Variants in SMYD3 observed in about 807,000 individuals in gnomAD.
SMYD3 encodes the protein SET and MYND domain containing 3, also known as histone-lysine N-methyltransferase SMYD3.
SMYD3 carries 36 observed loss-of-function variants against 57.7 expected under a neutral mutation model. The observed-to-expected ratio is 0.62, with a 90% confidence interval of 0.48 to 0.82. The LOEUF is 0.82. Ranked by LOEUF, SMYD3 falls within the 40% of genes least tolerant of loss-of-function variation. The probability of loss-of-function intolerance (pLI) is 0.00; values close to 1 mark genes in which losing one functional copy is unlikely to be tolerated. For missense variants in SMYD3, 515 were observed against 538.8 expected, an observed-to-expected ratio of 0.96 and a Z score of 0.44; for synonymous variants, 211 against 195.0, an observed-to-expected ratio of 1.08 and a Z score of -0.68.
At position 245,749,620 on chromosome 1, in the gene SMYD3, C is replaced by G. The variant is rs1558297045; in HGVS notation, c.1230G>C (p.Leu410=). 3 of 1,614,062 alleles carry G rather than the reference C, an allele frequency of 1.9e-6. No individual in the cohort carries two copies. The highest frequency in any genetic ancestry group is 2.7e-5 in the African/African-American group (2 of 74,924). The change falls in exon 12 of 12, where the codon CTG becomes CTC. Residue 410 remains leucine, a synonymous_variant. Transcript: ENST00000490107. ...MRVTHGREHS[L]IEDLILLLEE... is the part of the protein sequence containing the mutation. ...CTAAAAGTAGAATCAAATCTTCAATCAGGCTGTGTTCTCTGCCATGTGTCA... is the reference window on the plus strand; with the variant it reads ...CTAAAAGTAGAATCAAATCTTCAATGAGGCTGTGTTCTCTGCCATGTGTCA...
intron 1 of SMYD3, among the ~76,000 whole-genome samples, chr1:246,365,719 T>C (rs186072153): frequency 2.3e-4 from 35 of 152,060 alleles, no homozygotes; most frequent in African/African-American, 8.2e-4. Context: ...GAAAAAACTA[T>C]GAGTGGTTCT....
At chr1:246,144,218 G>A (rs1477938373) in intron 5 of SMYD3, among the ~76,000 whole-genome samples, 1 of 152,236 alleles carries the variant, frequency 6.6e-6, no homozygotes, top group East Asian at 1.9e-4. Flanking sequence ...TTCAGGGCAA[G>A]CCTGGGTACC....
At chr1:245,879,977 C>T (rs534612044) in intron 8 of SMYD3, among the ~76,000 whole-genome samples, 12 of 145,552 alleles carry the variant, frequency 8.2e-5, no homozygotes, top group Admixed American at 6.8e-4. Flanking sequence ...AGCACAGGTG[C>T]GTTGCTGTAC....
intron 5 of SMYD3, among the ~76,000 whole-genome samples, chr1:245,994,304 G>A (rs936127673): frequency 2.0e-5 from 3 of 152,116 alleles, no homozygotes; most frequent in Admixed American, 1.3e-4. Flanking sequence ...ACCCTTCCTC[G>A]GATGTGCCCT....
intron 10 of SMYD3, among the ~76,000 whole-genome samples, chr1:245,840,807 T>A (rs1232098888): frequency 6.6e-6 from 1 of 151,122 alleles, no homozygotes; most frequent in East Asian, 1.9e-4. Context: ...AAGGGAGGGA[T>A]CCCAGGGGGA....
At chr1:246,179,991 G>A (rs1001830767) in intron 5 of SMYD3, among the ~76,000 whole-genome samples, 1 of 152,002 alleles carries the variant, frequency 6.6e-6, no homozygotes, top group African/African-American at 2.4e-5. Flanking sequence ...AGAGGAAAAG[G>A]TGTGAATTAA....
chr1:246,210,115 C>T (rs138054534), intron 5 of SMYD3, among the ~76,000 whole-genome samples: 1 of 152,218 alleles, frequency 6.6e-6, no homozygotes, highest in African/African-American at 2.4e-5. Flanking sequence ...AGGACATATT[C>T]CAGAGGTCTG....
intron 1 of SMYD3, among the ~76,000 whole-genome samples, chr1:246,396,307 G>C (rs181316960): frequency 6.6e-6 from 1 of 152,268 alleles, no homozygotes. Flanking sequence ...GGAAATTTTA[G>C]TGTTAGCTTC....
At chr1:245,825,391 G>A (rs2049425719) in intron 10 of SMYD3, among the ~76,000 whole-genome samples, 1 of 152,210 alleles carries the variant, frequency 6.6e-6, no homozygotes, top group African/African-American at 2.4e-5. Flanking sequence ...TACGGGGGAA[G>A]TTACTGGGAT....
intron 1 of SMYD3, among the ~76,000 whole-genome samples, chr1:246,416,114 T>C (rs2067056566): frequency 6.6e-6 from 1 of 152,204 alleles, no homozygotes; most frequent in Non-Finnish European, 1.5e-5. Context: ...AGAAATAAAC[T>C]TGATTTAACT....
chr1:245,961,084 G>T (rs1047080811), intron 5 of SMYD3, among the ~76,000 whole-genome samples: 1 of 152,140 alleles, frequency 6.6e-6, no homozygotes, highest in African/African-American at 2.4e-5. Context: ...GTCAGACAAG[G>T]TTTAAATGTT....
intron 5 of SMYD3, among the ~76,000 whole-genome samples, chr1:246,285,979 T>A (rs2064553579): frequency 6.6e-6 from 1 of 151,718 alleles, no homozygotes; most frequent in African/African-American, 2.4e-5. Flanking sequence ...ACCAAAAAAA[T>A]TTAAAAAAAA....
chr1:246,185,532 G>A lies in SMYD3; in HGVS notation c.531+141669C>T, dbSNP rs1295975840. Among the ~76,000 whole-genome samples, 5 of 146,938 alleles carry A rather than the reference G, an allele frequency of 3.4e-5. No homozygotes were observed. In the East Asian group the frequency reaches 5.9e-4, roughly 17 times the overall value. ...TGTGGAGTGCAGTGGCGCGATCTCGGCTCACTGCAAGCTCCGCCTCCCGGG... is the reference window on the plus strand; with the variant it reads ...TGTGGAGTGCAGTGGCGCGATCTCGACTCACTGCAAGCTCCGCCTCCCGGG... On this transcript the variant is annotated intron_variant, in intron 5 of 11. Transcript: ENST00000490107.
In SMYD3 at chr1:246,330,525, G is replaced by T. The variant is rs1301277108; in HGVS notation, c.349C>A (p.Pro117Thr). The T allele has an allele frequency of 1.3e-6, 2 of 1,593,420 alleles. No homozygotes were observed. The highest frequency in any genetic ancestry group is 2.7e-5 in the African/African-American group (2 of 74,326). ...GAGTAAAGCTTCTCTGATTCTGAAG[G>T]TGCTCCATCCATCTGTGAAGGAAAA... ...RVVFKLMDGA[P>T]SESEKLYSFY... is the part of the protein sequence containing the mutation. Residue 117 changes from proline to threonine, a missense_variant, in exon 4 of 12, where the codon CCT becomes ACT. Pro to Thr is a conservative substitution (Grantham distance 38). Transcript: ENST00000490107.
intron 9 of SMYD3, among the ~76,000 whole-genome samples, chr1:245,859,225 G>A (rs2051409263): frequency 2.6e-5 from 4 of 152,018 alleles, no homozygotes. Flanking sequence ...ATTTCCACTG[G>A]GTCTCATTTT....
At chr1:245,752,018 T>C (rs1290424342) in intron 11 of SMYD3, among the ~76,000 whole-genome samples, 2 of 152,224 alleles carry the variant, frequency 1.3e-5, no homozygotes. Context: ...TTCTCCACAC[T>C]GCCCTGGATC....
Position 245,858,670 on chromosome 1 carries a change from T to G in SMYD3, c.902A>C (p.Lys301Thr). Residue 301 changes from lysine to threonine, a missense_variant and splice_region_variant, in exon 10 of 12, where the codon AAG (lysine) becomes ACG (threonine). Transcript: ENST00000490107. ...KKIEELKAHWKWEQVLAMCQA... is the reference protein window; with the variant it reads ...KKIEELKAHWTWEQVLAMCQA... ...GCACATGGCCAGAACCTGCTCCCACTCTGTTATTAACCTTAGTTAAGGATT... is the reference window on the plus strand; with the variant it reads ...GCACATGGCCAGAACCTGCTCCCACGCTGTTATTAACCTTAGTTAAGGATT... 1 of 1,613,202 alleles carries G rather than the reference T, an allele frequency of 6.2e-7. No homozygotes were observed. Among genetic ancestry groups the G allele is most frequent in the South Asian group, 1.1e-5 (1 of 90,876 alleles).
intron 10 of SMYD3, among the ~76,000 whole-genome samples, chr1:245,783,139 T>C (rs929810604): frequency 6.6e-6 from 1 of 152,134 alleles, no homozygotes; most frequent in Non-Finnish European, 1.5e-5. Context: ...GCAGGAATGG[T>C]GTCACATTGA....
chr1:246,419,450 G>A (rs553805322), intron 1 of SMYD3, among the ~76,000 whole-genome samples: 2 of 152,274 alleles, frequency 1.3e-5, no homozygotes, highest in African/African-American at 4.8e-5. Context: ...GCCTTGCTAG[G>A]GTCTTGGGTT....
Sources: allele counts gnomAD v4.1 joint callset (sites outside exome capture counted in the v4.1 genomes callset), GRCh38; gene constraint gnomAD v4.1.1; transcripts MANE v1.5; gene names NCBI Gene and HGNC (gene_info 2026-07-23, HGNC 2026-07-21).